Variants in ZC3H3 observed in about 807,000 individuals in gnomAD.
ZC3H3 encodes the protein zinc finger CCCH-type containing 3, also known as zinc finger CCCH domain-containing protein 3.
Under a neutral mutation model 77.3 loss-of-function variants are expected in ZC3H3, and 36 were observed. The observed-to-expected ratio is 0.47, with a 90% CI of 0.36 to 0.61. The LOEUF is 0.61. Ranked by LOEUF, ZC3H3 falls within the 20% of genes least tolerant of loss-of-function variation. ZC3H3 has a pLI of 0.00. For missense variants in ZC3H3, 1,331 were observed against 1,312.2 expected, an observed-to-expected ratio of 1.01 and a Z score of -0.22; for synonymous variants, 626 against 555.2, an observed-to-expected ratio of 1.13 and a Z score of -1.79.
At position 143,486,386 on chromosome 8, in the gene ZC3H3, T is replaced by C. The variant is rs188563708; in HGVS notation, c.1716-10801A>G. On this transcript the variant is annotated intron_variant, in intron 4 of 11. Coordinates refer to ENST00000262577, the MANE Select transcript of ZC3H3 (RefSeq NM_015117.3). ...CTGGCAAGGCTGGTTTCTGGTGAGG[T>C]CTCCCTTCCTGGCTTGTACTGTCCT... is the stretch of plus-strand genomic sequence containing the variant. Among the ~76,000 whole-genome samples, 502 of 152,288 alleles carry C rather than the reference T, an allele frequency of 3.3e-3. 3 individuals are homozygous for C. Among genetic ancestry groups the C allele is most frequent in the African/African-American group, 0.012 (481 of 41,556 alleles).
At chr8:143,514,315 G>A (rs776260065) in intron 3 of ZC3H3, among the ~76,000 whole-genome samples, 8 of 152,018 alleles carry the variant, frequency 5.3e-5, no homozygotes, top group South Asian at 2.1e-4. Context: ...ACTCCCACCC[G>A]GGCTGCCACC....
At chr8:143,527,221 C>T (rs138011842) in intron 3 of ZC3H3, among the ~76,000 whole-genome samples, 14 of 152,186 alleles carry the variant, frequency 9.2e-5, no homozygotes, top group African/African-American at 3.4e-4. Context: ...CCCAGGCTCT[C>T]GGACAGGTGT....
chr8:143,510,297 G>C (rs1821832070), intron 3 of ZC3H3, among the ~76,000 whole-genome samples: 1 of 152,180 alleles, frequency 6.6e-6, no homozygotes, highest in Non-Finnish European at 1.5e-5. Context: ...CAGTGACAAG[G>C]TGGCAGCTAG....
chr8:143,540,580 T>A (rs1822978123), intron 1 of ZC3H3, among the ~76,000 whole-genome samples: 2 of 152,182 alleles, frequency 1.3e-5, no homozygotes, highest in Non-Finnish European at 2.9e-5. Context: ...TTTTAATGTT[T>A]AAGTGTGGAA....
intron 9 of ZC3H3, among the ~76,000 whole-genome samples, chr8:143,463,538 C>T (rs766727028): frequency 2.0e-5 from 3 of 152,184 alleles, no homozygotes; most frequent in East Asian, 1.9e-4. Flanking sequence ...GGACGCCGGC[C>T]GCGGATCAGA....
At chr8:143,510,900 G>A (rs949026564) in intron 3 of ZC3H3, among the ~76,000 whole-genome samples, 2 of 152,140 alleles carry the variant, frequency 1.3e-5, no homozygotes, top group Non-Finnish European at 2.9e-5. Context: ...CTTTATTGCC[G>A]GCGATGCCCC....
chr8:143,451,547 C>T (rs185109409), intron 9 of ZC3H3, among the ~76,000 whole-genome samples: 183 of 152,114 alleles, frequency 1.2e-3, no homozygotes, highest in African/African-American at 4.2e-3. Flanking sequence ...GTGGCTCACC[C>T]CTGTAATCCC....
At chr8:143,448,472 T>C (rs113768772) in intron 9 of ZC3H3, among the ~76,000 whole-genome samples, 5 of 152,214 alleles carry the variant, frequency 3.3e-5, no homozygotes, top group African/African-American at 1.2e-4. Context: ...TTATGCAAGT[T>C]CAAAACACAG....
intron 3 of ZC3H3, among the ~76,000 whole-genome samples, chr8:143,514,945 T>A (rs561082810): frequency 2.0e-5 from 3 of 152,330 alleles, no homozygotes; most frequent in Admixed American, 6.5e-5. Flanking sequence ...TCTGCTGTGG[T>A]CCTGGGTGTC....
chr8:143,475,350 G>A (rs538581907), intron 5 of ZC3H3, 48 bp downstream of exon 5: 73 of 1,578,266 alleles, frequency 4.6e-5, no homozygotes, highest in Admixed American at 4.0e-4. Context: ...CCCACCACAC[G>A]CTAGCCGGTC....
At chr8:143,519,551 G>C (rs1048548024) in intron 3 of ZC3H3, among the ~76,000 whole-genome samples, 2 of 152,232 alleles carry the variant, frequency 1.3e-5, no homozygotes, top group Admixed American at 1.3e-4. Flanking sequence ...GCTGCCCGGA[G>C]GCAAGCCCCA....
At chr8:143,474,640 TTC>T (rs1820675183) in intron 5 of ZC3H3, among the ~76,000 whole-genome samples, 1 of 152,164 alleles carries the variant, frequency 6.6e-6, no homozygotes, top group Non-Finnish European at 1.5e-5. Context: ...GCTGAACCTG[TTC>T]TCTCTCTAGG....
At chr8:143,495,762 CTTTTT>C (rs77825264) in intron 4 of ZC3H3, among the ~76,000 whole-genome samples, 1 of 139,484 alleles carries the variant, frequency 7.2e-6, no homozygotes, top group African/African-American at 2.7e-5. Context: ...TCTTTTCTTT[CTTTTT>C]TTTTTTTTTT....
At chr8:143,490,898 C>T (rs892733204) in intron 4 of ZC3H3, among the ~76,000 whole-genome samples, 1 of 149,664 alleles carries the variant, frequency 6.7e-6, no homozygotes, top group African/African-American at 2.4e-5. Context: ...CAAAGCAAGA[C>T]TCCGTCTCAA....
At chr8:143,506,688 G>A (rs1237717718) in intron 4 of ZC3H3, among the ~76,000 whole-genome samples, 1 of 152,234 alleles carries the variant, frequency 6.6e-6, no homozygotes, top group African/African-American at 2.4e-5. Flanking sequence ...AGAAAACTCA[G>A]CAGCAGGGCC....
chr8:143,452,241 C>T lies in ZC3H3; in HGVS notation c.2308-11121G>A, dbSNP rs115708927. Among the ~76,000 whole-genome samples, 518 of 152,348 alleles carry T rather than the reference C, an allele frequency of 3.4e-3. 5 individuals carry two copies. Among genetic ancestry groups the T allele is most frequent in the African/African-American group, 0.012 (501 of 41,584 alleles). On this transcript the variant is annotated intron_variant, in intron 9 of 11. Coordinates refer to ENST00000262577, the MANE Select transcript of ZC3H3 (RefSeq NM_015117.3). ...GCCAGGACATTCACCCCTTCTCCAT[C>T]CCCCACGGAGTCAGTGGAGGCCATG...
intron 3 of ZC3H3, among the ~76,000 whole-genome samples, chr8:143,515,777 C>A (rs750861197): frequency 3.3e-5 from 5 of 152,256 alleles, no homozygotes; most frequent in Non-Finnish European, 7.3e-5. Flanking sequence ...CTGGGCCAGG[C>A]AGGGGCTGGG....
intron 4 of ZC3H3, among the ~76,000 whole-genome samples, chr8:143,501,518 T>A (rs1272716870): frequency 6.6e-6 from 1 of 152,144 alleles, no homozygotes; most frequent in Non-Finnish European, 1.5e-5. Flanking sequence ...GGTGCTGGTT[T>A]TACATAAGGA....
At chr8:143,513,813 C>T (rs1821947645) in intron 3 of ZC3H3, among the ~76,000 whole-genome samples, 1 of 152,238 alleles carries the variant, frequency 6.6e-6, no homozygotes, top group African/African-American at 2.4e-5. Flanking sequence ...TCCGAGGCAC[C>T]TCCTGGAAGG....
Sources: allele counts gnomAD v4.1 joint callset (sites outside exome capture counted in the v4.1 genomes callset), GRCh38; gene constraint gnomAD v4.1.1; transcripts MANE v1.5; gene names NCBI Gene and HGNC (gene_info 2026-07-23, HGNC 2026-07-21).